The following RPL39L variants were observed in gnomAD, a reference collection of about 807,000 sequenced individuals.
RPL39L encodes the protein ribosomal protein L39 like.
For synonymous variants in RPL39L, 16 were observed against 20.1 expected, an observed-to-expected ratio of 0.80 and a Z score of 0.55; for missense variants, 48 against 58.9, an observed-to-expected ratio of 0.81 and a Z score of 0.61.
chr3:187,128,963 CAG>C (rs1174015957), intron 1 of RPL39L, among the ~76,000 whole-genome samples: 1 of 152,172 alleles, frequency 6.6e-6, no homozygotes, highest in African/African-American at 2.4e-5. Context: ...CTCTTGCTTG[CAG>C]AGAGCTGTAT....
chr3:187,135,875 G>C (rs1337742767), intron 1 of RPL39L, among the ~76,000 whole-genome samples: 1 of 152,268 alleles, frequency 6.6e-6, no homozygotes, highest in Non-Finnish European at 1.5e-5. Context: ...GGTAGAAGGT[G>C]TAGGAGGAGC....
chr3:187,126,200 T>G (rs1720395019), intron 2 of RPL39L, among the ~76,000 whole-genome samples: 1 of 151,844 alleles, frequency 6.6e-6, no homozygotes, highest in Non-Finnish European at 1.5e-5. Flanking sequence ...TCACTCTTTT[T>G]GCCCAGGCTG....
At chr3:187,131,501 A>G (rs1720484715) in intron 1 of RPL39L, among the ~76,000 whole-genome samples, 1 of 152,226 alleles carries the variant, frequency 6.6e-6, no homozygotes, top group African/African-American at 2.4e-5. Flanking sequence ...ACGCCACTGC[A>G]CTCCAGCCTG....
At chr3:187,130,626 G>A (rs1034653975) in intron 1 of RPL39L, among the ~76,000 whole-genome samples, 2 of 152,180 alleles carry the variant, frequency 1.3e-5, no homozygotes, top group African/African-American at 4.8e-5. Context: ...CTAGTGCTAT[G>A]CTTCCTGTAC....
At chr3:187,134,584 C>T (rs1400826188) in intron 1 of RPL39L, among the ~76,000 whole-genome samples, 1 of 151,328 alleles carries the variant, frequency 6.6e-6, no homozygotes, top group Non-Finnish European at 1.5e-5. Flanking sequence ...AGAATAATAT[C>T]ACAAATTATT....
intron 2 of RPL39L, among the ~76,000 whole-genome samples, chr3:187,122,337 GCAAA>G (rs1720324147): frequency 6.6e-6 from 1 of 152,094 alleles, no homozygotes; most frequent in South Asian, 2.1e-4. Context: ...AAGTCTTACT[GCAAA>G]CAGTGTTGGA....
intron 1 of RPL39L, among the ~76,000 whole-genome samples, chr3:187,138,661 C>G (rs1002944104): frequency 2.0e-5 from 3 of 152,166 alleles, no homozygotes; most frequent in Non-Finnish European, 4.4e-5. Flanking sequence ...ACGCTGACAT[C>G]TGAAGAGGTG....
intron 2 of RPL39L, among the ~76,000 whole-genome samples, chr3:187,123,511 A>C (rs575372327): frequency 6.6e-6 from 1 of 152,338 alleles, no homozygotes; most frequent in African/African-American, 2.4e-5. Context: ...TTAGCTAGCT[A>C]TCTAGCAGAC....
intron 2 of RPL39L, among the ~76,000 whole-genome samples, chr3:187,123,904 A>G (rs1268368323): frequency 1.3e-5 from 2 of 152,230 alleles, no homozygotes; most frequent in Non-Finnish European, 2.9e-5. Flanking sequence ...AGTGACATAC[A>G]GCTCTTAGCT....
intron 1 of RPL39L, among the ~76,000 whole-genome samples, chr3:187,134,483 T>TAAAAAAAAAAAAAAAAAAAAAAAAAAAAA (rs72169562): frequency 4.3e-5 from 4 of 93,402 alleles, no homozygotes; most frequent in Admixed American, 1.1e-4. Context: ...GCCTGACTGA[T>TAAAAAAAAAAAAAAAAAAAAAAAAAAAAA]AAAAAAAAAA....
chr3:187,127,931 C>T (rs1217041678), intron 2 of RPL39L, 68 bp downstream of exon 2: 1 of 152,070 alleles, frequency 6.6e-6, no homozygotes, highest in Non-Finnish European at 1.5e-5. Flanking sequence ...AAATTTTTAA[C>T]AAAGTGTCCA....
At chr3:187,126,834 T>C (rs1055362011) in intron 2 of RPL39L, among the ~76,000 whole-genome samples, 3 of 152,128 alleles carry the variant, frequency 2.0e-5, no homozygotes, top group Non-Finnish European at 4.4e-5. Flanking sequence ...TTCATATAAG[T>C]TGGGGAGTCT....
chr3:187,127,479 G>T (rs75360067), intron 2 of RPL39L, among the ~76,000 whole-genome samples: 1 of 152,194 alleles, frequency 6.6e-6, no homozygotes, highest in Non-Finnish European at 1.5e-5. Flanking sequence ...AGCAATATGC[G>T]TATATTTCCT....
intron 2 of RPL39L, among the ~76,000 whole-genome samples, chr3:187,123,995 A>G (rs1720355748): frequency 6.6e-6 from 1 of 152,232 alleles, no homozygotes; most frequent in African/African-American, 2.4e-5. Flanking sequence ...GAAAGAACTG[A>G]AAGAACTGGC....
At chr3:187,133,593 T>TA (rs1339048158) in intron 1 of RPL39L, among the ~76,000 whole-genome samples, 2 of 152,096 alleles carry the variant, frequency 1.3e-5, no homozygotes, top group African/African-American at 4.8e-5. Flanking sequence ...GACCTTTCCT[T>TA]ACCCAAGACT....
intron 1 of RPL39L, among the ~76,000 whole-genome samples, 166 bp downstream of exon 1, chr3:187,139,047 G>A (rs1036916169): frequency 8.1e-5 from 12 of 148,386 alleles, no homozygotes; most frequent in Non-Finnish European, 1.8e-4. Flanking sequence ...GACGGAGGGA[G>A]ACCCTGTCTC....
At chr3:187,135,510 T>A (rs1720559948) in intron 1 of RPL39L, among the ~76,000 whole-genome samples, 1 of 152,200 alleles carries the variant, frequency 6.6e-6, no homozygotes, top group Admixed American at 6.5e-5. Context: ...GACTTGCTCC[T>A]CCTTGCTTTC....
At chr3:187,139,060 A>AAAC (rs1720638649) in intron 1 of RPL39L, among the ~76,000 whole-genome samples, 153 bp downstream of exon 1, 1 of 147,958 alleles carries the variant, frequency 6.8e-6, no homozygotes, top group Non-Finnish European at 1.5e-5. Flanking sequence ...CCTGTCTCAA[A>AAAC]AAACAAACAA....
At chr3:187,133,311 G>A (rs138952467) in intron 1 of RPL39L, among the ~76,000 whole-genome samples, 37 of 152,206 alleles carry the variant, frequency 2.4e-4, no homozygotes, top group Middle Eastern at 3.4e-3. Context: ...GGTTTCCCCC[G>A]TGCTGTTCTT....
Sources: allele counts gnomAD v4.1 joint callset (sites outside exome capture counted in the v4.1 genomes callset), GRCh38; gene constraint gnomAD v4.1.1; transcripts MANE v1.5; gene names NCBI Gene and HGNC (gene_info 2026-07-23, HGNC 2026-07-21).